The following FILIP1 variants were observed in gnomAD, a reference collection of about 807,000 sequenced individuals.
The protein encoded by FILIP1 is filamin A interacting protein 1.
A neutral mutation model predicts 102.1 loss-of-function variants in FILIP1; 61 were observed. The ratio of observed to expected loss-of-function variants is 0.60; its 90% CI spans 0.49 to 0.74. FILIP1 has a LOEUF of 0.74. Ranked by LOEUF, FILIP1 falls within the 30% of genes least tolerant of loss-of-function variation. The pLI is 0.00. For missense variants in FILIP1, 1,314 were observed against 1,441.2 expected (o/e 0.91, Z 1.43); for synonymous variants, 491 against 526.9 (o/e 0.93, Z 0.93).
intron 4 of FILIP1, among the ~76,000 whole-genome samples, chr6:75,349,468 G>C (rs1774709818): frequency 6.6e-6 from 1 of 152,168 alleles, no homozygotes; most frequent in East Asian, 1.9e-4. Context: ...AAACCACTCA[G>C]GCTTATCTCA....
intron 4 of FILIP1, among the ~76,000 whole-genome samples, chr6:75,335,054 C>T (rs1210315986): frequency 6.6e-6 from 1 of 152,052 alleles, no homozygotes; most frequent in Non-Finnish European, 1.5e-5. Context: ...GTCAAATGGG[C>T]CTCACTCCCG....
intron 4 of FILIP1, among the ~76,000 whole-genome samples, chr6:75,348,819 C>G (rs1178506822): frequency 6.6e-6 from 1 of 152,162 alleles, no homozygotes; most frequent in Non-Finnish European, 1.5e-5. Context: ...CTGCTCCTTC[C>G]GAGAGACCAC....
chr6:75,412,605 T>G (rs1343385888), intron 2 of FILIP1, among the ~76,000 whole-genome samples: 2 of 152,174 alleles, frequency 1.3e-5, no homozygotes, highest in Non-Finnish European at 2.9e-5. Context: ...CTCCCACTCT[T>G]AGCTACAACA....
At chr6:75,435,588 G>A (rs1471555131) in intron 1 of FILIP1, among the ~76,000 whole-genome samples, 1 of 152,166 alleles carries the variant, frequency 6.6e-6, no homozygotes, top group East Asian at 1.9e-4. Flanking sequence ...CCCATGATGG[G>A]GGACCAAGAG....
intron 1 of FILIP1, among the ~76,000 whole-genome samples, chr6:75,489,408 C>G (rs1779891726): frequency 6.6e-6 from 1 of 152,064 alleles, no homozygotes; most frequent in South Asian, 2.1e-4. Flanking sequence ...TTCCTATAAT[C>G]TATGAAGTTG....
At chr6:75,450,185 C>T (rs959866502) in intron 1 of FILIP1, among the ~76,000 whole-genome samples, 13 of 152,006 alleles carry the variant, frequency 8.6e-5, no homozygotes, top group Non-Finnish European at 1.5e-4. Flanking sequence ...GCTATGTTGC[C>T]CAAGCTGCTC....
intron 4 of FILIP1, among the ~76,000 whole-genome samples, chr6:75,349,592 G>A (rs950000940): frequency 6.6e-6 from 1 of 152,214 alleles, no homozygotes; most frequent in Non-Finnish European, 1.5e-5. Context: ...AAAAGGGGAA[G>A]GGAGTGCAAA....
chr6:75,362,950 T>C lies in FILIP1; in HGVS notation c.277-33A>G. The C allele has an allele frequency of 3.1e-6, 5 of 1,603,534 alleles. No homozygotes were observed. The South Asian group carries it at 3.3e-5, about 11-fold the overall frequency. ...AGAAAGTGCAGCAAGATCAGACGAC[T>C]GACAATGTAAATCGCATACTGGGCT... On this transcript the variant is annotated intron_variant, in intron 2 of 5. Transcript: ENST00000237172.
At chr6:75,292,761 C>T (rs1022194973) in exon 7 of FILIP1, 3 of 152,146 alleles carry the variant, frequency 2.0e-5, no homozygotes, top group Non-Finnish European at 4.4e-5. Flanking sequence ...TCATCAGATT[C>T]ATTAACACAC....
intron 1 of FILIP1, among the ~76,000 whole-genome samples, chr6:75,471,175 A>G (rs1005909243): frequency 2.0e-5 from 3 of 148,716 alleles, no homozygotes; most frequent in Non-Finnish European, 4.5e-5. Flanking sequence ...AAAAAAAAAA[A>G]AAAAAAAAGA....
intron 1 of FILIP1, among the ~76,000 whole-genome samples, chr6:75,451,173 A>T (rs1778620035): frequency 1.3e-5 from 2 of 151,314 alleles, no homozygotes; most frequent in South Asian, 4.2e-4. Flanking sequence ...GATCTGTATA[A>T]ACAGTATAAA....
Position 75,295,123 on chromosome 6 carries a change from A to T in FILIP1, c.*787T>A, listed in dbSNP as rs570854140. On this transcript the variant is annotated 3_prime_UTR_variant, in exon 7 of 7. Coordinates refer to the FILIP1 transcript ENST00000393004. ...CCTTATTATAAGTCTTATACATACAAGTAAATAATGCAATCAGAAGTATAA... is the reference window on the plus strand; with the variant it reads ...CCTTATTATAAGTCTTATACATACATGTAAATAATGCAATCAGAAGTATAA... 4 of 152,232 alleles carry T rather than the reference A, an allele frequency of 2.6e-5. No homozygotes were observed. The East Asian group carries it at 7.7e-4, about 29-fold the overall frequency. 9.4% of individuals were successfully genotyped at this position (152,232 alleles called of 1,614,324 possible).
intron 2 of FILIP1, among the ~76,000 whole-genome samples, chr6:75,410,712 T>C (rs1777037673): frequency 6.6e-6 from 1 of 152,216 alleles, no homozygotes; most frequent in Non-Finnish European, 1.5e-5. Context: ...TCCATGTCCC[T>C]GCAAAGGATA....
chr6:75,474,329 A>G (rs1158583109), intron 1 of FILIP1, among the ~76,000 whole-genome samples: 8 of 152,180 alleles, frequency 5.3e-5, no homozygotes, highest in African/African-American at 1.9e-4. Flanking sequence ...CTATTATTAA[A>G]CATATATTTG....
At chr6:75,416,698 C>T (rs755921037) in intron 1 of FILIP1, among the ~76,000 whole-genome samples, 8 of 151,838 alleles carry the variant, frequency 5.3e-5, no homozygotes, top group African/African-American at 1.7e-4. Context: ...TGATTCTGTA[C>T]GACTTCATAC....
intron 4 of FILIP1, among the ~76,000 whole-genome samples, chr6:75,348,956 T>TA (rs201993886): frequency 0.018 from 2,781 of 152,178 alleles, 75 homozygotes; most frequent in East Asian, 0.11. Flanking sequence ...TATAAGAGGG[T>TA]GGGGTGGGGA....
At chr6:75,396,632 G>T (rs1402387506) in intron 2 of FILIP1, among the ~76,000 whole-genome samples, 1 of 152,104 alleles carries the variant, frequency 6.6e-6, no homozygotes. Context: ...TGTGGTATCT[G>T]TGAAGATAAT....
intron 4 of FILIP1, among the ~76,000 whole-genome samples, chr6:75,349,530 T>C (rs1774714047): frequency 6.6e-6 from 1 of 152,216 alleles, no homozygotes. Context: ...AAGGGAAGCA[T>C]TTCCGAAGCA....
intron 1 of FILIP1, among the ~76,000 whole-genome samples, chr6:75,457,285 C>A (rs1778869047): frequency 6.6e-6 from 1 of 152,126 alleles, no homozygotes; most frequent in African/African-American, 2.4e-5. Flanking sequence ...AAGACATGTA[C>A]CTAAAGCTCT....
Sources: allele counts gnomAD v4.1 joint callset (sites outside exome capture counted in the v4.1 genomes callset), GRCh38; gene constraint gnomAD v4.1.1; transcripts MANE v1.5; gene names NCBI Gene and HGNC (gene_info 2026-07-23, HGNC 2026-07-21).